Variants in GNA12 observed in about 807,000 individuals in gnomAD.
GNA12 encodes the protein guanine nucleotide-binding protein subunit alpha-12.
GNA12 carries 9 observed loss-of-function variants against 26.0 expected under a neutral mutation model. That is an observed-to-expected ratio of 0.35 (90% CI 0.21 to 0.60). The LOEUF (loss-of-function observed/expected upper bound fraction) is 0.60, where lower values mean the gene tolerates loss of function less well. GNA12 is among the 20% of genes least tolerant of loss of function. GNA12 has a pLI of 0.78. For synonymous variants in GNA12, 264 were observed against 219.6 expected, an observed-to-expected ratio of 1.20 and a Z score of -1.79; for missense variants, 405 against 525.8, an observed-to-expected ratio of 0.77 and a Z score of 2.25.
intron 2 of GNA12, among the ~76,000 whole-genome samples, chr7:2,777,307 C>T (rs956844127): frequency 6.6e-6 from 1 of 152,202 alleles, no homozygotes; most frequent in Non-Finnish European, 1.5e-5. Context: ...ATATTAATAC[C>T]TCGAAAGCAG....
intron 2 of GNA12, among the ~76,000 whole-genome samples, chr7:2,746,658 T>C (rs371974007): frequency 6.6e-6 from 1 of 151,676 alleles, no homozygotes; most frequent in East Asian, 1.9e-4. Context: ...AGGCAAGAAA[T>C]AACTAAGATC....
intron 2 of GNA12, among the ~76,000 whole-genome samples, chr7:2,736,275 A>G (rs1347710117): frequency 6.6e-6 from 1 of 152,168 alleles, no homozygotes; most frequent in Non-Finnish European, 1.5e-5. Context: ...CTGCGGTCAC[A>G]CGATCTAGAA....
At chr7:2,769,963 G>A (rs998311249) in intron 2 of GNA12, among the ~76,000 whole-genome samples, 1 of 151,674 alleles carries the variant, frequency 6.6e-6, no homozygotes, top group East Asian at 1.9e-4. Flanking sequence ...ATCATGGGGG[G>A]GCAAGTACTT....
chr7:2,792,779 G>A (rs1447103503), intron 2 of GNA12, among the ~76,000 whole-genome samples: 6 of 152,212 alleles, frequency 3.9e-5, no homozygotes, highest in Admixed American at 6.5e-5. Flanking sequence ...GAGAAGGAAT[G>A]TGCAGATGGA....
At chr7:2,821,367 G>GTTCC (rs1239428179) in intron 1 of GNA12, among the ~76,000 whole-genome samples, 4 of 152,186 alleles carry the variant, frequency 2.6e-5, no homozygotes, top group African/African-American at 9.7e-5. Flanking sequence ...ACCAACCAGG[G>GTTCC]TTCCCTTCCC....
intron 2 of GNA12, among the ~76,000 whole-genome samples, chr7:2,761,584 A>G (rs1791557908): frequency 6.6e-6 from 1 of 152,246 alleles, no homozygotes; most frequent in South Asian, 2.1e-4. Context: ...AATTCCTAGG[A>G]TACAAACAGT....
chr7:2,755,171 A>G (rs779326360), intron 2 of GNA12, among the ~76,000 whole-genome samples: 1 of 151,916 alleles, frequency 6.6e-6, no homozygotes, highest in Non-Finnish European at 1.5e-5. Flanking sequence ...CACTGCAGGG[A>G]GACAACAGGC....
intron 2 of GNA12, among the ~76,000 whole-genome samples, chr7:2,793,699 A>G (rs1792577643): frequency 6.6e-6 from 1 of 152,024 alleles, no homozygotes; most frequent in Non-Finnish European, 1.5e-5. Flanking sequence ...CCTGGCCAAC[A>G]TGGTAAAACT....
chr7:2,830,828 C>G (rs1331673843), intron 1 of GNA12, among the ~76,000 whole-genome samples: 1 of 152,124 alleles, frequency 6.6e-6, no homozygotes, highest in Non-Finnish European at 1.5e-5. Flanking sequence ...TGTGTCCTAG[C>G]TACCCAGGAG....
chr7:2,789,132 C>CTTTTTTTTTTTTT (rs71026556), intron 2 of GNA12, among the ~76,000 whole-genome samples: 15 of 72,830 alleles, frequency 2.1e-4, no homozygotes, highest in Admixed American at 3.7e-4. Context: ...CTTCAGGCAT[C>CTTTTTTTTTTTTT]TTTTTTTTTT....
chr7:2,833,503 G>A (rs1349243220), intron 1 of GNA12, among the ~76,000 whole-genome samples: 2 of 152,060 alleles, frequency 1.3e-5, no homozygotes, highest in African/African-American at 2.4e-5. Flanking sequence ...TAATTATTTC[G>A]TTAAGATAAT....
chr7:2,780,048 G>GTATA lies in GNA12; in HGVS notation c.525+14879_525+14880insTATA, dbSNP rs1554259618. On this transcript the variant is annotated intron_variant, in intron 2 of 3. Transcript: ENST00000275364. The stretch of plus-strand genomic sequence containing the variant: ...GTACTAGTTTTTTACACATTTCTGT[G>GTATA]TACATATATATATATATATATATAT... Among the ~76,000 whole-genome samples, 53 of 84,710 alleles carry GTATA rather than the reference G, an allele frequency of 6.3e-4. 1 individual carries two copies. The highest frequency in any genetic ancestry group is 2.1e-3 in the African/African-American group (36 of 17,422). 55.6% of individuals were successfully genotyped at this position (84,710 alleles called of 152,430 possible).
At chr7:2,812,982 C>T (rs1205358211) in intron 1 of GNA12, among the ~76,000 whole-genome samples, 1 of 152,172 alleles carries the variant, frequency 6.6e-6, no homozygotes, top group African/African-American at 2.4e-5. Flanking sequence ...CTCGCTCTGT[C>T]GCCCAGGCTG....
intron 2 of GNA12, among the ~76,000 whole-genome samples, chr7:2,744,087 C>T (rs1184095782): frequency 1.3e-5 from 2 of 152,260 alleles, no homozygotes; most frequent in African/African-American, 4.8e-5. Flanking sequence ...GGTTCCCCCT[C>T]TGGGGGCAGG....
Position 2,841,244 on chromosome 7 carries a change from C to T in GNA12, c.309+2609G>A, listed in dbSNP as rs533072402. ...TCGGCTCACTGCAAGCTCCGCCTCC[C>T]GGGTTCACCCCATTCTCCTGCCAGG... On this transcript the variant is annotated intron_variant, in intron 1 of 3. Coordinates refer to ENST00000275364, the MANE Select transcript of GNA12 (RefSeq NM_007353.3). 1.0e-3 allele frequency among the ~76,000 whole-genome samples: 158 copies of T among 152,260 alleles called. 1 individual carries two copies. Among genetic ancestry groups the T allele is most frequent in the Non-Finnish European group, 1.5e-3 (101 of 68,014 alleles).
At position 2,844,161 on chromosome 7, in the gene GNA12, TGGCC is replaced by T; in HGVS notation, c.-4_-1del. On this transcript the variant is annotated 5_prime_UTR_variant, in exon 1 of 4. Transcript: ENST00000275364. ...CTGAGGGTCCGCACCACCCCGGACA[TGGCC>T]CCTCAGGCCGCGGCCGCGCCCCGCC... The T allele has an allele frequency of 2.0e-6, 2 of 981,500 alleles. No individual in the cohort carries two copies. Among genetic ancestry groups the T allele is most frequent in the Non-Finnish European group, 2.4e-6 (2 of 829,688 alleles). The allele number at this position is 981,500 out of a possible 1,614,324, so 60.8% of individuals were successfully genotyped here. A position where few individuals can be genotyped will look rare whatever the true frequency, so the allele number is the denominator to read the frequency against.
intron 2 of GNA12, among the ~76,000 whole-genome samples, chr7:2,788,037 C>A (rs1264917773): frequency 6.6e-6 from 1 of 152,152 alleles, no homozygotes; most frequent in Non-Finnish European, 1.5e-5. Flanking sequence ...CGCCTGTAAT[C>A]CCAGCTGCTC....
At chr7:2,760,723 G>A (rs1288315536) in intron 2 of GNA12, among the ~76,000 whole-genome samples, 1 of 152,218 alleles carries the variant, frequency 6.6e-6, no homozygotes, top group East Asian at 1.9e-4. Context: ...CTTATCCAGA[G>A]CTAAGTTTAG....
chr7:2,787,247 C>T (rs2115444814), intron 2 of GNA12, among the ~76,000 whole-genome samples: 1 of 152,316 alleles, frequency 6.6e-6, no homozygotes, highest in African/African-American at 2.4e-5. Flanking sequence ...GCCTCCGTCA[C>T]CGTCACCTAC....
Sources: allele counts gnomAD v4.1 joint callset (sites outside exome capture counted in the v4.1 genomes callset), GRCh38; gene constraint gnomAD v4.1.1; transcripts MANE v1.5; gene names NCBI Gene and HGNC (gene_info 2026-07-23, HGNC 2026-07-21).